NDST2: variants seen among roughly 807,000 people sequenced by gnomAD.
NDST2 encodes the protein bifunctional heparan sulfate N-deacetylase/N-sulfotransferase 2.
In NDST2, 32 loss-of-function variants were observed where a neutral mutation model predicts 86.9. The observed-to-expected ratio is 0.37, with a 90% CI of 0.28 to 0.49. The LOEUF is 0.49. Among genes scored for constraint, NDST2 ranks in the 20% least tolerant of loss-of-function variants. The pLI is 0.97. For missense variants in NDST2, 950 were observed against 1,146.9 expected (o/e 0.83, Z 2.48); for synonymous variants, 409 against 437.0 (o/e 0.94, Z 0.80).
intron 4 of NDST2, 68 bp downstream of exon 4, chr10:73,807,040 C>T: frequency 6.7e-7 from 1 of 1,501,072 alleles, no homozygotes; most frequent in Non-Finnish European, 9.3e-7. Context: ...CTTGTCTGCC[C>T]AGGGAGGTGG....
Position 73,807,600 on chromosome 10 carries a change from G to A in NDST2, c.789C>T (p.Pro263=), listed in dbSNP as rs1448137197. 1.2e-6 allele frequency: 2 copies of A among 1,614,088 alleles called. No individual in the cohort carries two copies. Among genetic ancestry groups the A allele is most frequent in the Non-Finnish European group, 1.7e-6 (2 of 1,180,040 alleles). Residue 263 remains proline, a synonymous_variant, in exon 3 of 15, where the codon CCC becomes CCT. Coordinates refer to ENST00000309979, the MANE Select transcript of NDST2 (RefSeq NM_003635.4). Reference sequence around the variant, plus strand: ...GAAGCCCCAGGTCCTGTACCACAGTGGGAAGCCGGGCCCGACGAAGAACTG... The same window carrying A: ...GAAGCCCCAGGTCCTGTACCACAGTAGGAAGCCGGGCCCGACGAAGAACTG... ...PGPVLRRARL[P]TVVQDLGLHD...
chr10:73,807,142 G>A lies in NDST2; in HGVS notation c.1059C>T (p.Phe353=), dbSNP rs775827144. ...KLRTLVPNFT[F]NLGFSGKFYH... ...AGAACTTGCCCGAGAAGCCCAAGTTGAAGGTGAAGTTGGGAACTAAGGTCC... is the reference window on the plus strand; with the variant it reads ...AGAACTTGCCCGAGAAGCCCAAGTTAAAGGTGAAGTTGGGAACTAAGGTCC... The change falls in exon 4 of 15, where the codon TTC becomes TTT. Residue 353 remains phenylalanine, a synonymous_variant. Coordinates refer to ENST00000309979, the MANE Select transcript of NDST2 (RefSeq NM_003635.4). The A allele has an allele frequency of 1.9e-6, 3 of 1,614,128 alleles. No homozygotes were observed. In the South Asian group the frequency reaches 3.3e-5, roughly 18 times the overall value.
At position 73,803,039 on chromosome 10, in the gene NDST2, C is replaced by T. The variant is rs2084025563; in HGVS notation, c.2356G>A (p.Ala786Thr). ...AACTTCTGGATGCTCTCCATTGAGG[C>T]TGCTGGGTTGGTACGCAGCTCTTGC... is the stretch of plus-strand genomic sequence containing the variant. ...DGQELRTNPA[A>T]SMESIQKFLG... Residue 786 changes from alanine to threonine, a missense_variant, in exon 13 of 15, where the codon GCC (alanine) becomes ACC (threonine). By Grantham distance (58) the Ala-to-Thr change is moderately conservative. Coordinates refer to ENST00000309979, the MANE Select transcript of NDST2 (RefSeq NM_003635.4). The T allele has an allele frequency of 6.2e-7, 1 of 1,614,218 alleles. No individual in the cohort carries two copies. The highest frequency in any genetic ancestry group is 8.5e-7 in the Non-Finnish European group (1 of 1,180,046).
chr10:73,810,642 G>A (rs950452315), intron 2 of NDST2, 157 bp downstream of exon 2: 9 of 389,968 alleles, frequency 2.3e-5, no homozygotes, highest in Non-Finnish European at 4.5e-6. Context: ...TGATACTCAG[G>A]GTGTATCATC....
Position 73,807,809 on chromosome 10 carries a change from T to C in NDST2, c.580A>G (p.Asn194Asp), listed in dbSNP as rs1463600081. ...ACTTGGTAGTCCCGGAGCCCCAAGTTTGAGTGTAAAAAAAGGGGAAAGCCC... is the reference window on the plus strand; with the variant it reads ...ACTTGGTAGTCCCGGAGCCCCAAGTCTGAGTGTAAAAAAAGGGGAAAGCCC... ...LKGFPLFLHSNLGLRDYQVNP... is the reference protein window; with the variant it reads ...LKGFPLFLHSDLGLRDYQVNP... The change falls in exon 3 of 15, where the codon AAC (asparagine) becomes GAC (aspartate). Residue 194 changes from asparagine (N) to aspartate (D), a missense_variant. Physicochemically the swap from Asn to Asp is conservative, Grantham distance 23 (BLOSUM62 1). Transcript: ENST00000309979. 5.0e-6 allele frequency: 8 copies of C among 1,613,912 alleles called. No homozygotes were observed. Among genetic ancestry groups the C allele is most frequent in the Non-Finnish European group, 6.8e-6 (8 of 1,180,002 alleles).
chr10:73,804,732 G>C (rs763118698), intron 9 of NDST2, 41 bp downstream of exon 9: 9 of 1,291,050 alleles, frequency 7.0e-6, no homozygotes, highest in Non-Finnish European at 7.8e-6. Flanking sequence ...GATCCTTTGG[G>C]TTTAAGGCAG....
At chr10:73,802,887 A>G in intron 13 of NDST2, 85 bp downstream of exon 13, 2 of 1,516,866 alleles carry the variant, frequency 1.3e-6, no homozygotes, top group Non-Finnish European at 1.8e-6. Context: ...TGTGAGACAG[A>G]GTAAATCTAT....
In NDST2 at chr10:73,805,922, AAG is replaced by A. The variant is rs774699378; in HGVS notation, c.1539_1540del (p.Phe514SerfsTer6). On this transcript the variant is annotated frameshift_variant, in exon 7 of 15. Transcript: ENST00000309979. LOFTEE classifies it high-confidence loss of function. ...TACCGGATTAAGCAGCACTGTCAGA[AAG>A]AGCTCTCCACCTCGGATGCTCCGGT... 4.3e-6 allele frequency: 7 copies of A among 1,614,078 alleles called. No homozygotes were observed. Among genetic ancestry groups the A allele is most frequent in the Non-Finnish European group, 1.7e-6 (2 of 1,180,052 alleles).
Position 73,802,416 on chromosome 10 carries a change from C to T in NDST2, c.*35G>A. On this transcript the variant is annotated 3_prime_UTR_variant, in exon 15 of 15. Transcript: ENST00000309979. Reference sequence around the variant, plus strand: ...GCTCTGGACCTGCCCCTTAGGGAAGCAGGGGGCATTTTGCTGGTATGGGAG... The same window carrying T: ...GCTCTGGACCTGCCCCTTAGGGAAGTAGGGGGCATTTTGCTGGTATGGGAG... The T allele has an allele frequency of 1.9e-6, 3 of 1,611,262 alleles. No homozygotes were observed. Among genetic ancestry groups the T allele is most frequent in the Non-Finnish European group, 2.5e-6 (3 of 1,179,674 alleles).
At position 73,806,064 on chromosome 10, in the gene NDST2, G is replaced by A. The variant is rs775050787; in HGVS notation, c.1435-36C>T. The A allele has an allele frequency of 6.2e-7, 1 of 1,609,640 alleles. No homozygotes were observed. The highest frequency in any genetic ancestry group is 8.5e-7 in the Non-Finnish European group (1 of 1,178,144). On this transcript the variant is annotated intron_variant, in intron 6 of 14. Transcript: ENST00000309979. The surrounding 1 kb of genome is among the most constrained non-coding windows in gnomAD (Gnocchi z 4.5). ...AAGAAAAAACAGATGAGATTTGAAA[G>A]ATAGAATGAGAAGTAGATGGAGGAC...
Position 73,807,114 on chromosome 10 carries a change from GA to G in NDST2, c.1086del (p.His363IlefsTer15). 6.2e-7 allele frequency: 1 copy of G among 1,613,678 alleles called. No homozygotes were observed. The highest frequency in any genetic ancestry group is 1.3e-5 in the African/African-American group (1 of 74,994). On this transcript the variant is annotated frameshift_variant, in exon 4 of 15. Transcript: ENST00000309979. LOFTEE classifies it high-confidence loss of function. ...TFNLGFSGKF[Y>X]HTGTEEEDAG... ...AGTAGGGGTATAAGCTCACCAGTAT[GA>G]TAGAACTTGCCCGAGAAGCCCAAGT...
chr10:73,803,769 G>A lies in NDST2; in HGVS notation c.1968-21C>T, dbSNP rs747531387. Reference sequence around the variant, plus strand: ...TGTACCTAGGAAGTAGCACAGAAGAGAGAGAAGCAGAAAAATATGCAGAGT... The same window carrying A: ...TGTACCTAGGAAGTAGCACAGAAGAAAGAGAAGCAGAAAAATATGCAGAGT... On this transcript the variant is annotated intron_variant, in intron 10 of 14. Coordinates refer to ENST00000309979, the MANE Select transcript of NDST2 (RefSeq NM_003635.4). 3.7e-6 allele frequency: 6 copies of A among 1,613,706 alleles called. No homozygotes were observed. The African/African-American group carries it at 8.0e-5, about 22-fold the overall frequency.
intron 8 of NDST2, among the ~76,000 whole-genome samples, chr10:73,805,288 G>A (rs917342035): frequency 9.9e-5 from 15 of 151,764 alleles, no homozygotes; most frequent in Admixed American, 9.8e-4. Flanking sequence ...TGAGGCGGGC[G>A]GATCACCTGC....
In NDST2 at chr10:73,802,032, G is replaced by A. The variant is rs775870148; in HGVS notation, c.*419C>T. 1.5e-4 allele frequency: 52 copies of A among 354,114 alleles called. No individual in the cohort carries two copies. Among genetic ancestry groups the A allele is most frequent in the African/African-American group, 5.5e-4 (26 of 47,290 alleles). The allele number at this position is 354,114 out of a possible 1,614,324, so 21.9% of individuals were successfully genotyped here. ...CAATGTGAATGACATTAGGGAGGCC[G>A]GGCCACAGGTAGATCCCACTGCCTG... is the stretch of plus-strand genomic sequence containing the variant. On this transcript the variant is annotated 3_prime_UTR_variant, in exon 15 of 15. Coordinates refer to ENST00000309979, the MANE Select transcript of NDST2 (RefSeq NM_003635.4).
chr10:73,803,517 T>TGGGGGGGGGGGGGGGGGGGGGGG, intron 11 of NDST2, 57 bp downstream of exon 11: 8 of 1,189,238 alleles, frequency 6.7e-6, no homozygotes, highest in Non-Finnish European at 5.0e-6. Context: ...TAGCAGTCAC[T>TGGGGGGGGGGGGGGGGGGGGGGG]GTCCCCTCCC....
intron 9 of NDST2, among the ~76,000 whole-genome samples, chr10:73,804,457 A>G (rs1026575778): frequency 2.8e-4 from 43 of 152,182 alleles, no homozygotes; most frequent in African/African-American, 1.0e-3. Context: ...CCTGGCCAAC[A>G]TGGTGAAACC....
intron 14 of NDST2, 28 bp from the exon 15 acceptor site, chr10:73,802,604 G>C (rs1589607236): frequency 1.2e-6 from 2 of 1,614,088 alleles, no homozygotes; most frequent in South Asian, 2.2e-5. Context: ...AGGCAGAAAT[G>C]GTAAGAAGTG....
chr10:73,806,545 G>A lies in NDST2; in HGVS notation c.1249-71C>T. 2 of 1,549,160 alleles carry A rather than the reference G, an allele frequency of 1.3e-6. No homozygotes were observed. Among genetic ancestry groups the A allele is most frequent in the Non-Finnish European group, 1.8e-6 (2 of 1,141,854 alleles). ...AGTAGAGGGTAAAGAGGGTGGGGAAGCCTCCAAATAAAGAAAAACGCAAAG... is the reference window on the plus strand; with the variant it reads ...AGTAGAGGGTAAAGAGGGTGGGGAAACCTCCAAATAAAGAAAAACGCAAAG... On this transcript the variant is annotated intron_variant, in intron 5 of 14. Coordinates refer to ENST00000309979, the MANE Select transcript of NDST2 (RefSeq NM_003635.4). This position sits in a 1 kb window ranked among gnomAD's most constrained non-coding sequence, Gnocchi z 4.5.
Position 73,805,609 on chromosome 10 carries a change from T to C in NDST2, c.1724A>G (p.Gln575Arg), listed in dbSNP as rs143525164. ...LAQKYFELFP[Q>R]ERSPLWQNPC... The stretch of plus-strand genomic sequence containing the variant: ...TACCTGCCAAAGGGGGCTTCGCTCC[T>C]GAGGGAAAAGTTCAAAGTACTTCTG... The change falls in exon 8 of 15, where the codon CAG becomes CGG. Residue 575 changes from glutamine (Q) to arginine (R), a missense_variant. Physicochemically the swap from Gln to Arg is conservative, Grantham distance 43 (BLOSUM62 1). This residue lies in a region of NDST2 where 586 missense variants were observed against 714.0 expected (regional missense o/e 0.82). Transcript: ENST00000309979. 2.7e-5 allele frequency: 44 copies of C among 1,614,160 alleles called. No homozygotes were observed. The African/African-American group carries it at 4.9e-4, about 18-fold the overall frequency.
Sources: gnomAD v4.1 joint callset for allele counts (sites outside exome capture counted in the v4.1 genomes callset) on GRCh38, gnomAD v4.1.1 for gene constraint, gnomAD v4.1.1 regional missense constraint, Gnocchi (gnomAD v3.1) non-coding constraint, MANE v1.5 for transcripts, NCBI Gene and HGNC (gene_info 2026-07-23, HGNC 2026-07-21) for gene names.